Variants in TMPRSS3 observed in about 807,000 individuals in gnomAD.
TMPRSS3 encodes transmembrane serine protease 3, also known as transmembrane protease serine 3.
In TMPRSS3, 55 loss-of-function variants were observed where a neutral mutation model predicts 59.6. The ratio of observed to expected loss-of-function variants is 0.92; its 90% CI spans 0.74 to 1.16. The LOEUF is 1.16. Among genes scored for constraint, TMPRSS3 ranks in the 50% most tolerant of loss-of-function variants. TMPRSS3 has a pLI of 0.00. For synonymous variants in TMPRSS3, 257 were observed against 237.7 expected, an observed-to-expected ratio of 1.08 and a Z score of -0.75; for missense variants, 596 against 579.4, an observed-to-expected ratio of 1.03 and a Z score of -0.29.
At chr21:42,373,208 A>G (rs2052364412) in intron 12 of TMPRSS3, among the ~76,000 whole-genome samples, 1 of 152,200 alleles carries the variant, frequency 6.6e-6, no homozygotes, top group Non-Finnish European at 1.5e-5. Context: ...AAAGGCCCTC[A>G]CGTTGACTTT....
chr21:42,372,479 G>A lies in TMPRSS3; in HGVS notation c.*283C>T, dbSNP rs767705563. On this transcript the variant is annotated 3_prime_UTR_variant, in exon 13 of 13. Coordinates refer to ENST00000644384, the MANE Select transcript of TMPRSS3 (RefSeq NM_001256317.3). ...GGAAGCTGAGGCAAGAGAATCGCTT[G>A]AACCAGGGAAGCGGAGGCTGCAGTG... 1 of 593,652 alleles carries A rather than the reference G, an allele frequency of 1.7e-6. No homozygotes were observed. Among genetic ancestry groups the A allele is most frequent in the South Asian group, 1.5e-5 (1 of 65,710 alleles). 36.8% of individuals were successfully genotyped at this position (593,652 alleles called of 1,614,324 possible).
chr21:42,372,039 T>G lies in TMPRSS3; in HGVS notation c.*723A>C, dbSNP rs188772709. ...AAATAAGTCTTGGAAGTAGAAAGGG[T>G]GGGTTTGGTTCTGGTCCCTAGAGAT... is the stretch of plus-strand genomic sequence containing the variant. On this transcript the variant is annotated 3_prime_UTR_variant, in exon 13 of 13. Coordinates refer to ENST00000644384, the MANE Select transcript of TMPRSS3 (RefSeq NM_001256317.3). 8.3e-4 allele frequency: 378 copies of G among 454,122 alleles called. No individual in the cohort carries two copies. Among genetic ancestry groups the G allele is most frequent in the African/African-American group, 7.2e-3 (358 of 50,010 alleles). 28.1% of individuals were successfully genotyped at this position (454,122 alleles called of 1,614,324 possible). A position where few individuals can be genotyped will look rare whatever the true frequency, so the allele number is the denominator to read the frequency against.
Position 42,390,056 on chromosome 21 carries a change from A to C in TMPRSS3, c.95-19T>G. 6.3e-7 allele frequency: 1 copy of C among 1,581,630 alleles called. No homozygotes were observed. The stretch of plus-strand genomic sequence containing the variant: ...TCTGCATCTGAAAACCAGAAAAAGG[A>C]AGAGCAGAAAGCCACAGAACCTGAC... On this transcript the variant is annotated intron_variant, in intron 2 of 12. Transcript: ENST00000644384.
rs2052350351 is a variant in TMPRSS3, at chr21:42,372,439, G to A, written c.*323C>T. On this transcript the variant is annotated 3_prime_UTR_variant, in exon 13 of 13. Transcript: ENST00000644384. ...GTTGGGTGTGGTGGCGGGCACCTGTGGTCCCAGCTACTGGGGAAGCTGAGG... is the reference window on the plus strand; with the variant it reads ...GTTGGGTGTGGTGGCGGGCACCTGTAGTCCCAGCTACTGGGGAAGCTGAGG... 1 of 531,420 alleles carries A rather than the reference G, an allele frequency of 1.9e-6. No individual in the cohort carries two copies. Among genetic ancestry groups the A allele is most frequent in the South Asian group, 1.5e-5 (1 of 65,060 alleles). The allele number at this position is 531,420 out of a possible 1,614,324, so 32.9% of individuals were successfully genotyped here. A position where few individuals can be genotyped will look rare whatever the true frequency, so the allele number is the denominator to read the frequency against.
chr21:42,388,436 G>T lies in TMPRSS3; in HGVS notation c.413C>A (p.Ala138Glu), dbSNP rs147231991. Residue 138 changes from alanine to glutamate, a missense_variant, in exon 5 of 13, where the codon GCA becomes GAA. Transcript: ENST00000644384. The surrounding 1 kb of genome is among the most constrained non-coding windows in gnomAD (Gnocchi z 5.1). ...ACCCAGTTGGGCACAGGCAACATTT[G>T]CGTAGTGACCCTTCCAGTCATCGGA... ...MCSDDWKGHY[A>E]NVACAQLGFP... 1.9e-3 allele frequency: 3,141 copies of T among 1,614,240 alleles called. 1 individual carries two copies. Among genetic ancestry groups the T allele is most frequent in the Non-Finnish European group, 2.5e-3 (2,942 of 1,180,048 alleles).
chr21:42,380,553 G>A (rs1321759254), intron 9 of TMPRSS3, among the ~76,000 whole-genome samples: 1 of 152,214 alleles, frequency 6.6e-6, no homozygotes, highest in African/African-American at 2.4e-5. Flanking sequence ...GACAGCCCCA[G>A]GTAACAGGTA....
chr21:42,384,117 C>T (rs891832908), intron 6 of TMPRSS3, 104 bp from the exon 7 acceptor site: 4 of 1,148,402 alleles, frequency 3.5e-6, no homozygotes, highest in Non-Finnish European at 5.1e-6. Context: ...AATTCTATTT[C>T]CCCCTCTTTG....
chr21:42,377,343 C>T (rs371626193), intron 10 of TMPRSS3, among the ~76,000 whole-genome samples: 4 of 152,166 alleles, frequency 2.6e-5, no homozygotes, highest in Admixed American at 6.5e-5. Context: ...TTCGAAGATG[C>T]GGCATTGCTG....
chr21:42,384,848 G>T (rs937361070), intron 6 of TMPRSS3, among the ~76,000 whole-genome samples: 2 of 152,104 alleles, frequency 1.3e-5, no homozygotes, highest in Non-Finnish European at 2.9e-5. Flanking sequence ...CTAACCTGGG[G>T]CAAGGCATGT....
chr21:42,389,401 T>C (rs2052696150), intron 3 of TMPRSS3, among the ~76,000 whole-genome samples: 1 of 152,200 alleles, frequency 6.6e-6, no homozygotes, highest in South Asian at 2.1e-4. Context: ...CCTTCCTGGT[T>C]TCTCTTACCG....
chr21:42,392,146 G>C (rs1224794538), intron 2 of TMPRSS3, among the ~76,000 whole-genome samples: 1 of 152,216 alleles, frequency 6.6e-6, no homozygotes, highest in Non-Finnish European at 1.5e-5. Context: ...TCTTGGACAT[G>C]TTGAGCCGAG....
chr21:42,387,144 C>T (rs1401990374), intron 5 of TMPRSS3, among the ~76,000 whole-genome samples: 1 of 152,094 alleles, frequency 6.6e-6, no homozygotes, highest in Non-Finnish European at 1.5e-5. Context: ...GGGCTCCTGA[C>T]TTGGGTCTGC....
chr21:42,382,142 T>G lies in TMPRSS3; in HGVS notation c.875A>C (p.Tyr292Ser). Residue 292 changes from tyrosine (Y) to serine (S), a missense_variant, in exon 9 of 13, where the codon TAC becomes TCC. By Grantham distance (144) the Tyr-to-Ser change is moderately radical (BLOSUM62 -2). Coordinates refer to ENST00000644384, the MANE Select transcript of TMPRSS3 (RefSeq NM_001256317.3). The part of the protein sequence containing the change: ...APSHLVEKIV[Y>S]HSKYKPKRLG... Reference sequence around the variant, plus strand: ...CCTCTTTGGCTTGTACTTGCTGTGGTAGACAATCTTCTCCACCAAGTGGGA... The same window carrying G: ...CCTCTTTGGCTTGTACTTGCTGTGGGAGACAATCTTCTCCACCAAGTGGGA... 6.2e-7 allele frequency: 1 copy of G among 1,614,178 alleles called. No homozygotes were observed. Among genetic ancestry groups the G allele is most frequent in the Non-Finnish European group, 8.5e-7 (1 of 1,179,998 alleles).
intron 10 of TMPRSS3, 37 bp from the exon 11 acceptor site, chr21:42,376,720 G>A: frequency 1.9e-6 from 3 of 1,613,434 alleles, no homozygotes; most frequent in Non-Finnish European, 2.5e-6. Flanking sequence ...GTGTGAGAAG[G>A]AAGCCCGGCC....
intron 5 of TMPRSS3, among the ~76,000 whole-genome samples, chr21:42,386,879 A>G (rs1304067966): frequency 1.3e-5 from 2 of 152,184 alleles, no homozygotes; most frequent in African/African-American, 2.4e-5. Context: ...AGGAGAATTT[A>G]AGAAAATAGA....
chr21:42,389,368 A>G (rs2052695831), intron 3 of TMPRSS3, among the ~76,000 whole-genome samples: 1 of 152,222 alleles, frequency 6.6e-6, no homozygotes, highest in Admixed American at 6.5e-5. Context: ...CCGAGCAAGG[A>G]GTCCTGACTG....
At chr21:42,377,278 G>A (rs138290533) in intron 10 of TMPRSS3, among the ~76,000 whole-genome samples, 25 of 152,338 alleles carry the variant, frequency 1.6e-4, no homozygotes, top group African/African-American at 4.8e-4. Flanking sequence ...TGGAGGAGCC[G>A]GAGGAGAAGC....
At chr21:42,391,060 A>G (rs899054681) in intron 2 of TMPRSS3, among the ~76,000 whole-genome samples, 1 of 152,194 alleles carries the variant, frequency 6.6e-6, no homozygotes, top group Non-Finnish European at 1.5e-5. Flanking sequence ...GCCCTATGAC[A>G]CTAAGATGGA....
At chr21:42,386,997 C>G (rs764110524) in intron 5 of TMPRSS3, among the ~76,000 whole-genome samples, 1 of 152,042 alleles carries the variant, frequency 6.6e-6, no homozygotes, top group Non-Finnish European at 1.5e-5. Flanking sequence ...TGGGGGACAT[C>G]GCATTCCCTG....
Sources: allele counts gnomAD v4.1 joint callset (sites outside exome capture counted in the v4.1 genomes callset), GRCh38; gene constraint gnomAD v4.1.1; non-coding constraint Gnocchi (gnomAD v3.1); transcripts MANE v1.5; gene names NCBI Gene and HGNC (gene_info 2026-07-23, HGNC 2026-07-21).